Variants in PPP1R21 observed in about 807,000 individuals in gnomAD.
PPP1R21 encodes the protein protein phosphatase 1 regulatory subunit 21.
PPP1R21 carries 85 observed loss-of-function variants against 112.8 expected under a neutral mutation model. The ratio of observed to expected loss-of-function variants is 0.75; its 90% CI spans 0.63 to 0.90. The LOEUF is 0.90. PPP1R21 is among the 40% of genes least tolerant of loss of function. PPP1R21 has a pLI of 0.00. For missense variants in PPP1R21, 1,199 were observed against 901.5 expected (o/e 1.33, Z -4.23); for synonymous variants, 381 against 322.3 (o/e 1.18, Z -1.95).
Position 48,496,226 on chromosome 2 carries a change from T to A in PPP1R21, c.1692+455T>A, listed in dbSNP as rs113023195. Among the ~76,000 whole-genome samples, 1,456 of 151,862 alleles carry A rather than the reference T, an allele frequency of 9.6e-3. 11 individuals carry two copies. The highest frequency in any genetic ancestry group is 0.014 in the Non-Finnish European group (977 of 67,942). ...TTTCAGAAAAAAAGGAAAAAAAAAA[T>A]ATGTATATATTTGTCCACAGTTGGT... On this transcript the variant is annotated intron_variant, in intron 16 of 21. Transcript: ENST00000294952.
In PPP1R21 at chr2:48,459,657, C is replaced by T. The variant is rs1667888926; in HGVS notation, c.376-97C>T. The T allele has an allele frequency of 3.0e-6, 4 of 1,329,666 alleles. No individual in the cohort carries two copies. In the South Asian group the frequency reaches 5.9e-5, roughly 20 times the overall value. 82.4% of individuals were successfully genotyped at this position (1,329,666 alleles called of 1,614,324 possible). A position where few individuals can be genotyped will look rare whatever the true frequency, so the allele number is the denominator to read the frequency against. ...GTTTAACATAGTCAGCATATGGAAC[C>T]ATGTGGAAGTTGCTCAGTGAATAGT... On this transcript the variant is annotated intron_variant, in intron 4 of 21. Coordinates refer to ENST00000294952, the MANE Select transcript of PPP1R21 (RefSeq NM_001135629.3).
chr2:48,496,874 A>G (rs191811712), intron 16 of PPP1R21, among the ~76,000 whole-genome samples: 6 of 152,360 alleles, frequency 3.9e-5, no homozygotes, highest in Non-Finnish European at 7.3e-5. Flanking sequence ...GGAGCTTCTG[A>G]ATAGCTGAAC....
intron 11 of PPP1R21, among the ~76,000 whole-genome samples, chr2:48,473,212 C>A (rs1187470196): frequency 6.6e-6 from 1 of 151,966 alleles, no homozygotes; most frequent in South Asian, 2.1e-4. Flanking sequence ...TTAGGAAATA[C>A]TGGGAATCAG....
intron 17 of PPP1R21, among the ~76,000 whole-genome samples, chr2:48,499,337 T>C (rs1669995357): frequency 6.6e-6 from 1 of 152,222 alleles, no homozygotes; most frequent in African/African-American, 2.4e-5. Context: ...GTAAGTTAAA[T>C]TTAAGATGAT....
Position 48,458,174 on chromosome 2 carries a change from T to A in PPP1R21, c.322T>A (p.Phe108Ile). Residue 108 changes from phenylalanine to isoleucine, a missense_variant, in exon 4 of 22, where the codon TTT becomes ATT. By Grantham distance (21) the Phe-to-Ile change is conservative (BLOSUM62 0). Coordinates refer to ENST00000294952, the MANE Select transcript of PPP1R21 (RefSeq NM_001135629.3). ...SQLSQEQKSV[F>I]DEDLQKKIEE... ...GTTGAGTCAAGAGCAGAAGAGTGTC[T>A]TTGATGAAGATCTGCAAAAGAAGAT... 1 of 1,612,692 alleles carries A rather than the reference T, an allele frequency of 6.2e-7. No homozygotes were observed. The highest frequency in any genetic ancestry group is 8.5e-7 in the Non-Finnish European group (1 of 1,179,088).
At chr2:48,479,775 T>C in intron 12 of PPP1R21, 149 bp from the exon 13 acceptor site, 1 of 646,862 alleles carries the variant, frequency 1.5e-6, no homozygotes, top group Non-Finnish European at 2.8e-6. Context: ...ATCACCATTA[T>C]GTCTGAATGT....
At chr2:48,506,534 T>C (rs1670386614) in intron 18 of PPP1R21, among the ~76,000 whole-genome samples, 2 of 152,264 alleles carry the variant, frequency 1.3e-5, no homozygotes, top group African/African-American at 4.8e-5. Context: ...TAGATAATCA[T>C]GAACTTCTGC....
Position 48,460,147 on chromosome 2 carries a change from A to T in PPP1R21, c.593A>T (p.Glu198Val). 6.2e-7 allele frequency: 1 copy of T among 1,614,132 alleles called. No homozygotes were observed. Residue 198 changes from glutamate to valine, a missense_variant, in exon 6 of 22, where the codon GAA becomes GTA. By Grantham distance (121) the Glu-to-Val change is moderately radical. Coordinates refer to ENST00000294952, the MANE Select transcript of PPP1R21 (RefSeq NM_001135629.3). ...KEAKECRLRT[E>V]ECQLQLKTLH... ...GCCAAGGAATGTCGACTTCGAACGG[A>T]AGAATGGTATGTGGAAACTTGAATT...
At chr2:48,491,548 A>G (rs4953584) in intron 15 of PPP1R21, among the ~76,000 whole-genome samples, 115,185 of 147,366 alleles carry the variant, frequency 0.78, 44,144 homozygotes, top group African/African-American at 0.85. Flanking sequence ...GCAAAAAAAA[A>G]GAAAAAAAAA....
chr2:48,461,296 T>C lies in PPP1R21; in HGVS notation c.694+64T>C, dbSNP rs925571578. ...GAATCTCTCTGTGGTAGCCAACTAATTAAAGTAATTTTTAATCTTTTGGGC... is the reference window on the plus strand; with the variant it reads ...GAATCTCTCTGTGGTAGCCAACTAACTAAAGTAATTTTTAATCTTTTGGGC... On this transcript the variant is annotated intron_variant, in intron 7 of 21. Transcript: ENST00000294952. 3 of 1,430,460 alleles carry C rather than the reference T, an allele frequency of 2.1e-6. No homozygotes were observed. The Admixed American group carries it at 9.2e-5, about 44-fold the overall frequency. 88.6% of individuals were successfully genotyped at this position (1,430,460 alleles called of 1,614,324 possible).
chr2:48,482,618 C>T (rs1288901614), intron 13 of PPP1R21, among the ~76,000 whole-genome samples: 1 of 149,634 alleles, frequency 6.7e-6, no homozygotes, highest in African/African-American at 2.5e-5. Context: ...AGTTACATGG[C>T]AGATTAGCAT....
intron 15 of PPP1R21, 123 bp from the exon 16 acceptor site, chr2:48,495,556 G>T: frequency 1.6e-6 from 1 of 611,576 alleles, no homozygotes; most frequent in East Asian, 2.6e-5. Context: ...AAAGAAAATA[G>T]TCTGCTTTGA....
chr2:48,480,633 T>C (rs781635394), intron 13 of PPP1R21, among the ~76,000 whole-genome samples: 1 of 152,200 alleles, frequency 6.6e-6, no homozygotes, highest in Non-Finnish European at 1.5e-5. Context: ...TCTACAACTT[T>C]GCAATTGCTT....
rs369393981 is a variant in PPP1R21, at chr2:48,465,617, A to G, written c.872A>G (p.Asp291Gly). The change falls in exon 9 of 22, where the codon GAC becomes GGC. Residue 291 changes from aspartate (D) to glycine (G), a missense_variant. Coordinates refer to ENST00000294952, the MANE Select transcript of PPP1R21 (RefSeq NM_001135629.3). Reference sequence around the variant, plus strand: ...ATTTTTCCTGTTGATTCTGCCATTGACACTATATCTCCATTGAATCAGAAG... The same window carrying G: ...ATTTTTCCTGTTGATTCTGCCATTGGCACTATATCTCCATTGAATCAGAAG... ...IQIFPVDSAIDTISPLNQKFS... is the reference protein window; with the variant it reads ...IQIFPVDSAIGTISPLNQKFS... 1 of 1,613,128 alleles carries G rather than the reference A, an allele frequency of 6.2e-7. No homozygotes were observed. The highest frequency in any genetic ancestry group is 8.5e-7 in the Non-Finnish European group (1 of 1,179,758).
At chr2:48,452,938 T>C (rs2103765441) in intron 2 of PPP1R21, among the ~76,000 whole-genome samples, 1 of 152,066 alleles carries the variant, frequency 6.6e-6, no homozygotes, top group South Asian at 2.1e-4. Context: ...AGCCTATGGC[T>C]TTTAAGTTGC....
chr2:48,506,849 G>A (rs1670401347), intron 18 of PPP1R21, among the ~76,000 whole-genome samples: 2 of 151,664 alleles, frequency 1.3e-5, no homozygotes, highest in South Asian at 2.1e-4. Flanking sequence ...AGGAGGCTGA[G>A]GCAGGAGAAT....
intron 1 of PPP1R21, among the ~76,000 whole-genome samples, 190 bp from the exon 2 acceptor site, chr2:48,450,818 T>A (rs181230123): frequency 6.6e-6 from 1 of 152,236 alleles, no homozygotes; most frequent in East Asian, 1.9e-4. Context: ...CTGTGTGTCC[T>A]CCTTATCTGT....
intron 19 of PPP1R21, among the ~76,000 whole-genome samples, 176 bp from the exon 20 acceptor site, chr2:48,509,839 C>A (rs993941641): frequency 6.6e-6 from 1 of 152,164 alleles, no homozygotes; most frequent in Non-Finnish European, 1.5e-5. Context: ...CTGGGGGCCA[C>A]TTCTTTCTTA....
chr2:48,472,408 C>T (rs1668558620), intron 11 of PPP1R21, among the ~76,000 whole-genome samples: 1 of 150,734 alleles, frequency 6.6e-6, no homozygotes, highest in Non-Finnish European at 1.5e-5. Context: ...GGTGGATCAC[C>T]TGAGGTCAGG....
Sources: gnomAD v4.1 joint callset for allele counts (sites outside exome capture counted in the v4.1 genomes callset) on GRCh38, gnomAD v4.1.1 for gene constraint, MANE v1.5 for transcripts, NCBI Gene and HGNC (gene_info 2026-07-23, HGNC 2026-07-21) for gene names.